Variants in COG5 observed in about 807,000 individuals in gnomAD.
The protein encoded by COG5 is component of oligomeric golgi complex 5, also known as conserved oligomeric Golgi complex subunit 5.
Under a neutral mutation model 110.4 loss-of-function variants are expected in COG5, and 86 were observed. The ratio of observed to expected loss-of-function variants is 0.78; its 90% CI spans 0.65 to 0.93. The LOEUF is 0.93. Ranked by LOEUF, COG5 falls within the 40% of genes least tolerant of loss-of-function variation. COG5 has a pLI of 0.00. For synonymous variants in COG5, 360 were observed against 334.6 expected (o/e 1.08, Z -0.83); for missense variants, 1,077 against 987.0 (o/e 1.09, Z -1.22).
chr7:107,509,205 A>T (rs1178887473), intron 6 of COG5, among the ~76,000 whole-genome samples: 1 of 152,230 alleles, frequency 6.6e-6, no homozygotes, highest in Non-Finnish European at 1.5e-5. Flanking sequence ...TCCTTAAAGG[A>T]GCTGAGGTAG....
chr7:107,228,195 G>T (rs1800504028), intron 19 of COG5, among the ~76,000 whole-genome samples: 1 of 151,794 alleles, frequency 6.6e-6, no homozygotes, highest in African/African-American at 2.4e-5. Flanking sequence ...CAGTTACTCA[G>T]GAGGCTGAGG....
intron 19 of COG5, among the ~76,000 whole-genome samples, chr7:107,219,419 T>C (rs1290408698): frequency 7.2e-5 from 11 of 152,176 alleles, no homozygotes; most frequent in Non-Finnish European, 7.4e-5. Context: ...GATAGCCAAG[T>C]TATGGAATCA....
At chr7:107,391,330 C>T (rs1433044920) in intron 7 of COG5, among the ~76,000 whole-genome samples, 2 of 152,054 alleles carry the variant, frequency 1.3e-5, no homozygotes, top group Non-Finnish European at 2.9e-5. Flanking sequence ...TCAGGGTCTG[C>T]GGGAGGGACC....
intron 5 of COG5, among the ~76,000 whole-genome samples, chr7:107,541,708 G>A (rs974383649): frequency 6.6e-5 from 10 of 150,510 alleles, no homozygotes; most frequent in African/African-American, 9.7e-5. Context: ...TGAGGCGTGC[G>A]GATCACGAGG....
At chr7:107,270,335 G>A (rs112160056) in intron 14 of COG5, among the ~76,000 whole-genome samples, 65 of 148,262 alleles carry the variant, frequency 4.4e-4, no homozygotes, top group African/African-American at 1.6e-3. Flanking sequence ...ATCTTGGTTC[G>A]CTACAGCCTC....
chr7:107,530,723 T>A (rs1801147159), intron 5 of COG5, among the ~76,000 whole-genome samples: 1 of 151,438 alleles, frequency 6.6e-6, no homozygotes, highest in Admixed American at 6.6e-5. Context: ...TTTAATAAAA[T>A]CCTTAGTTAA....
chr7:107,423,558 A>G (rs1793439424), intron 6 of COG5, among the ~76,000 whole-genome samples: 1 of 152,144 alleles, frequency 6.6e-6, no homozygotes, highest in Non-Finnish European at 1.5e-5. Context: ...AAAAGTAGGG[A>G]AACAAAGAAT....
Position 107,474,053 on chromosome 7 carries a change from C to T in COG5, c.538+53184G>A. The T allele has an allele frequency of 6.7e-7, 1 of 1,492,696 alleles. No individual in the cohort carries two copies. The allele number at this position is 1,492,696 out of a possible 1,614,324, so 92.5% of individuals were successfully genotyped here. On this transcript the variant is annotated intron_variant, in intron 6 of 21. Coordinates refer to ENST00000297135, the MANE Select transcript of COG5 (RefSeq NM_006348.5). The surrounding 1 kb of genome is among the most constrained non-coding windows in gnomAD (Gnocchi z 5.7). ...TTTCTAGGGAAAAAAACCAACTGCT[C>T]CAAAAGAATGTGTTTTTCTCCCATT...
At chr7:107,280,775 G>A (rs1462412124) in intron 14 of COG5, among the ~76,000 whole-genome samples, 1 of 151,900 alleles carries the variant, frequency 6.6e-6, no homozygotes, top group African/African-American at 2.4e-5. Flanking sequence ...ATTTCAAATA[G>A]AATAATTTTA....
intron 2 of COG5, among the ~76,000 whole-genome samples, chr7:107,555,842 T>C (rs1319199906): frequency 2.0e-5 from 3 of 151,934 alleles, no homozygotes; most frequent in African/African-American, 7.3e-5. Context: ...TGAAATCCTG[T>C]CTCTACTAAA....
At chr7:107,420,938 A>G (rs1283269673) in intron 6 of COG5, among the ~76,000 whole-genome samples, 3 of 152,192 alleles carry the variant, frequency 2.0e-5, no homozygotes, top group Non-Finnish European at 4.4e-5. Flanking sequence ...TTTAGAATCA[A>G]AAGTCTTCTT....
At chr7:107,277,339 T>A (rs900580282) in intron 14 of COG5, among the ~76,000 whole-genome samples, 1 of 152,166 alleles carries the variant, frequency 6.6e-6, no homozygotes. Flanking sequence ...TAGTTTCTGT[T>A]TCTGGTTAGG....
At chr7:107,364,482 G>A (rs143067741) in intron 8 of COG5, among the ~76,000 whole-genome samples, 10 of 152,230 alleles carry the variant, frequency 6.6e-5, no homozygotes, top group Admixed American at 2.0e-4. Flanking sequence ...AATTTCTAGA[G>A]AGTGAGACTA....
intron 21 of COG5, among the ~76,000 whole-genome samples, chr7:107,207,635 C>T (rs1325010755): frequency 1.3e-5 from 2 of 152,210 alleles, no homozygotes; most frequent in Non-Finnish European, 1.5e-5. Flanking sequence ...TCAACACTTA[C>T]CCACAGGCAC....
chr7:107,268,722 C>G (rs144969609), intron 14 of COG5, among the ~76,000 whole-genome samples: 1 of 152,286 alleles, frequency 6.6e-6, no homozygotes, highest in East Asian at 1.9e-4. Flanking sequence ...TTCCTTTTCT[C>G]AATATGTGAC....
In COG5 at chr7:107,276,323, CTAATA is replaced by C. The variant is rs112432340; in HGVS notation, c.1575+4972_1575+4976del. Among the ~76,000 whole-genome samples, 1,263 of 152,232 alleles carry C rather than the reference CTAATA, an allele frequency of 8.3e-3. 21 individuals carry two copies. Among genetic ancestry groups the C allele is most frequent in the African/African-American group, 0.028 (1,152 of 41,544 alleles). ...GGTGCCACAACAGTTCCCTTATGTA[CTAATA>C]TTTTAGTTTTCTTTTAACACACAGA... On this transcript the variant is annotated intron_variant, in intron 14 of 21. Coordinates refer to ENST00000297135, the MANE Select transcript of COG5 (RefSeq NM_006348.5).
At chr7:107,483,102 G>A (rs557461816) in intron 6 of COG5, among the ~76,000 whole-genome samples, 3 of 152,186 alleles carry the variant, frequency 2.0e-5, no homozygotes, top group African/African-American at 7.2e-5. Context: ...TACCATTAAT[G>A]CAATTTAGTA....
At chr7:107,546,441 T>TTTTTTTTTG (rs1554461447) in intron 5 of COG5, among the ~76,000 whole-genome samples, 5 of 146,840 alleles carry the variant, frequency 3.4e-5, no homozygotes, top group Non-Finnish European at 7.6e-5. Context: ...TTTTGTTTTT[T>TTTTTTTTTG]TTTTTTTTTT....
intron 5 of COG5, among the ~76,000 whole-genome samples, chr7:107,544,863 A>G (rs1802301780): frequency 1.3e-5 from 2 of 152,360 alleles, no homozygotes; most frequent in South Asian, 4.1e-4. Context: ...GAACTACAAG[A>G]CAATACAACT....
Sources: gnomAD v4.1 joint callset for allele counts (sites outside exome capture counted in the v4.1 genomes callset) on GRCh38, gnomAD v4.1.1 for gene constraint, Gnocchi (gnomAD v3.1) non-coding constraint, MANE v1.5 for transcripts, NCBI Gene and HGNC (gene_info 2026-07-23, HGNC 2026-07-21) for gene names.